Variants in CFAP221 observed in about 807,000 individuals in gnomAD.
CFAP221 encodes cilia and flagella associated protein 221, also known as cilia- and flagella-associated protein 221.
Under a neutral mutation model 113.1 loss-of-function variants are expected in CFAP221, and 97 were observed. The observed-to-expected ratio is 0.86, with a 90% CI of 0.73 to 1.02. The LOEUF is 1.02. Ranked by LOEUF, CFAP221 falls within the 50% of genes least tolerant of loss-of-function variation. The pLI, the probability that CFAP221 is intolerant of heterozygous loss-of-function variation, is 0.00. For missense variants in CFAP221, 1,025 were observed against 1,013.4 expected, an observed-to-expected ratio of 1.01 and a Z score of -0.16; for synonymous variants, 331 against 354.4, an observed-to-expected ratio of 0.93 and a Z score of 0.74.
In CFAP221 at chr2:119,627,306, A is replaced by G. The variant is rs182331396; in HGVS notation, c.1517-347A>G. Among the ~76,000 whole-genome samples the G allele has an allele frequency of 2.7e-3, 413 of 152,280 alleles. 1 individual carries two copies. Among genetic ancestry groups the G allele is most frequent in the Non-Finnish European group, 5.5e-3 (373 of 68,030 alleles). On this transcript the variant is annotated intron_variant, in intron 15 of 23. Coordinates refer to ENST00000413369, the MANE Select transcript of CFAP221 (RefSeq NM_001271049.2). The stretch of plus-strand genomic sequence containing the variant: ...TATCTCTGATGTTGAAGTTTCTAAT[A>G]AAGAAACTCTTTTTTCTAAAAAATT...
rs1471715173 is a variant in CFAP221 at position 119,587,165 on chromosome 2, G to C, written c.574G>C (p.Glu192Gln). The C allele has an allele frequency of 2.0e-6, 3 of 1,532,634 alleles. No individual in the cohort carries two copies. The highest frequency in any genetic ancestry group is 2.7e-5 in the African/African-American group (2 of 73,060). The allele number at this position is 1,532,634 out of a possible 1,614,324, so 94.9% of individuals were successfully genotyped here. A position where few individuals can be genotyped will look rare whatever the true frequency, so the allele number is the denominator to read the frequency against. The change falls in exon 7 of 24, where the codon GAG becomes CAG. Residue 192 changes from glutamate (E) to glutamine (Q), a missense_variant. Transcript: ENST00000413369. Reference sequence around the variant, plus strand: ...GCAGTGCAGCTGCCCTGTAGATTTTGAGTTTTATATCACCTTGATTCAGTC... The same window carrying C: ...GCAGTGCAGCTGCCCTGTAGATTTTCAGTTTTATATCACCTTGATTCAGTC... ...PLQCSCPVDF[E>Q]FYITLIQSHQ...
intron 22 of CFAP221, among the ~76,000 whole-genome samples, chr2:119,649,772 T>A (rs1329020893): frequency 6.6e-6 from 1 of 152,146 alleles, no homozygotes; most frequent in Non-Finnish European, 1.5e-5. Flanking sequence ...ACAGCCCTGT[T>A]GTTTATCTTA....
chr2:119,628,297 GTGT>G (rs1686512862), intron 16 of CFAP221, among the ~76,000 whole-genome samples: 4 of 143,216 alleles, frequency 2.8e-5, no homozygotes, highest in African/African-American at 1.1e-4. Flanking sequence ...TCTGGGGGGT[GTGT>G]GTGTGTGTGT....
intron 19 of CFAP221, chr2:119,631,151 A>C (rs1686749891): frequency 1.0e-6 from 1 of 966,456 alleles, no homozygotes; most frequent in Non-Finnish European, 1.3e-6. Flanking sequence ...TAATATGTAC[A>C]TATAGGCCAA....
At chr2:119,640,356 C>T (rs1035431814) in intron 21 of CFAP221, among the ~76,000 whole-genome samples, 2 of 152,164 alleles carry the variant, frequency 1.3e-5, no homozygotes, top group Non-Finnish European at 2.9e-5. Context: ...ACACAGAAAA[C>T]AGCCCTGCTC....
At chr2:119,643,971 G>A (rs868744889) in intron 21 of CFAP221, among the ~76,000 whole-genome samples, 8 of 152,062 alleles carry the variant, frequency 5.3e-5, no homozygotes, top group Middle Eastern at 3.4e-3. Context: ...TGGACAACAT[G>A]GTGAAACCTC....
chr2:119,574,916 T>G (rs1353519505), intron 6 of CFAP221, among the ~76,000 whole-genome samples: 1 of 152,196 alleles, frequency 6.6e-6, no homozygotes, highest in Non-Finnish European at 1.5e-5. Context: ...AGTATTTGAA[T>G]TTAAGTTGCT....
intron 1 of CFAP221, 64 bp from the exon 2 acceptor site, chr2:119,546,021 A>G (rs1264729871): frequency 3.3e-6 from 4 of 1,210,406 alleles, no homozygotes; most frequent in African/African-American, 1.5e-5. Context: ...ACATTTATCA[A>G]AGAAAGAGAA....
Position 119,651,991 on chromosome 2 carries a change from A to AT in CFAP221, c.2337dup (p.Val780CysfsTer93). 6.2e-7 allele frequency: 1 copy of AT among 1,613,074 alleles called. No homozygotes were observed. Among genetic ancestry groups the AT allele is most frequent in the Non-Finnish European group, 8.5e-7 (1 of 1,179,504 alleles). Reference sequence around the variant, plus strand: ...CTTTGCAGTGAGCTCTGTGAGCAGAATGTAGAAGTTATGTTGACTCCAGAA... The same window carrying AT: ...CTTTGCAGTGAGCTCTGTGAGCAGAATTGTAGAAGTTATGTTGACTCCAGAA... On this transcript the variant is annotated frameshift_variant, in exon 23 of 24. Transcript: ENST00000413369. LOFTEE classifies it high-confidence loss of function.
At chr2:119,648,691 A>G (rs955912554) in intron 22 of CFAP221, 6 of 154,806 alleles carry the variant, frequency 3.9e-5, no homozygotes, top group African/African-American at 1.4e-4. Flanking sequence ...GTATAAAATC[A>G]CCAGAGCGTT....
chr2:119,602,328 T>A (rs144465746), intron 8 of CFAP221, among the ~76,000 whole-genome samples: 1 of 152,234 alleles, frequency 6.6e-6, no homozygotes, highest in African/African-American at 2.4e-5. Context: ...TGAGCCGAGA[T>A]CACGCCACGG....
At chr2:119,624,887 G>A (rs895781213) in intron 14 of CFAP221, among the ~76,000 whole-genome samples, 5 of 152,090 alleles carry the variant, frequency 3.3e-5, no homozygotes, top group Non-Finnish European at 7.4e-5. Flanking sequence ...GGTGACTAGG[G>A]GAGGGATATC....
intron 6 of CFAP221, among the ~76,000 whole-genome samples, chr2:119,576,451 G>A (rs952990516): frequency 4.6e-5 from 7 of 152,142 alleles, no homozygotes; most frequent in South Asian, 4.2e-4. Context: ...GAAAACATGC[G>A]GTATTTGGTT....
At chr2:119,610,138 T>C (rs1364919912) in intron 12 of CFAP221, among the ~76,000 whole-genome samples, 1 of 152,178 alleles carries the variant, frequency 6.6e-6, no homozygotes, top group Non-Finnish European at 1.5e-5. Flanking sequence ...GATCAGTCAT[T>C]GTGGGCATTG....
chr2:119,586,166 G>C (rs1683206916), intron 6 of CFAP221, among the ~76,000 whole-genome samples: 1 of 152,162 alleles, frequency 6.6e-6, no homozygotes. Context: ...AGATGAAGCT[G>C]GCTGGTGGCT....
chr2:119,571,767 C>T (rs534818496), intron 6 of CFAP221, among the ~76,000 whole-genome samples: 49 of 152,312 alleles, frequency 3.2e-4, no homozygotes, highest in Non-Finnish European at 5.0e-4. Flanking sequence ...CTAACAACTA[C>T]TTCACAGCTA....
At chr2:119,601,611 G>T in intron 8 of CFAP221, 1 of 430,706 alleles carries the variant, frequency 2.3e-6, no homozygotes. Flanking sequence ...GATTTTTGAA[G>T]GACATGTTTT....
chr2:119,560,041 A>AT lies in CFAP221; in HGVS notation c.426+17dup. On this transcript the variant is annotated intron_variant, in intron 5 of 23. Transcript: ENST00000413369. ...TTCACTGTAAGGTAGGTCTCTTAAAATTGCTTTTTTTTTTTTTTTTTTTTG... is the reference window on the plus strand; with the variant it reads ...TTCACTGTAAGGTAGGTCTCTTAAAATTTGCTTTTTTTTTTTTTTTTTTTTG... 1 of 1,272,120 alleles carries AT rather than the reference A, an allele frequency of 7.9e-7. No individual in the cohort carries two copies. The highest frequency in any genetic ancestry group is 1.0e-6 in the Non-Finnish European group (1 of 954,258). The allele number at this position is 1,272,120 out of a possible 1,614,324, so 78.8% of individuals were successfully genotyped here.
intron 6 of CFAP221, among the ~76,000 whole-genome samples, chr2:119,583,978 T>G (rs899120614): frequency 6.6e-6 from 1 of 152,214 alleles, no homozygotes; most frequent in Admixed American, 6.5e-5. Context: ...CCACCCAGTC[T>G]GTGGTATTCT....
Sources: allele counts gnomAD v4.1 joint callset (sites outside exome capture counted in the v4.1 genomes callset), GRCh38; gene constraint gnomAD v4.1.1; transcripts MANE v1.5; gene names NCBI Gene and HGNC (gene_info 2026-07-23, HGNC 2026-07-21).